Variants in MCF2L observed in about 807,000 individuals in gnomAD.
MCF2L encodes the protein MCF.2 cell line derived transforming sequence like.
A neutral mutation model predicts 153.4 loss-of-function variants in MCF2L; 97 were observed. The ratio of observed to expected loss-of-function variants is 0.63; its 90% CI spans 0.54 to 0.75. The LOEUF (loss-of-function observed/expected upper bound fraction) is 0.75, where lower values mean the gene tolerates loss of function less well. MCF2L is among the 30% of genes least tolerant of loss of function. The pLI is 0.00. For missense variants in MCF2L, 1,347 were observed against 1,495.2 expected (o/e 0.90, Z 1.64); for synonymous variants, 659 against 632.2 (o/e 1.04, Z -0.64).
Position 113,076,031 on chromosome 13 carries a change from CCAGGACGG to C in MCF2L, c.1376_1383del (p.Gln459ArgfsTer19). 1 of 1,613,960 alleles carries C rather than the reference CCAGGACGG, an allele frequency of 6.2e-7. No homozygotes were observed. The highest frequency in any genetic ancestry group is 8.5e-7 in the Non-Finnish European group (1 of 1,179,934). ...CACAACCTGTGGACAAGTGCCAGTC[CCAGGACGG>C]CGCGGAGGCTGCCCTCCAGGAAATC... On this transcript the variant is annotated frameshift_variant, in exon 12 of 30. Coordinates refer to ENST00000535094, the MANE Select transcript of MCF2L (RefSeq NM_001112732.3). LOFTEE classifies it high-confidence loss of function.
chr13:112,897,482 G>T (rs2081078825), intron 1 of MCF2L, among the ~76,000 whole-genome samples: 1 of 152,204 alleles, frequency 6.6e-6, no homozygotes, highest in Non-Finnish European at 1.5e-5. Context: ...GACAATGATG[G>T]CTCAAGCGGC....
intron 3 of MCF2L, among the ~76,000 whole-genome samples, chr13:113,030,312 G>C (rs1466032298): frequency 7.8e-6 from 1 of 127,922 alleles, no homozygotes. Context: ...CCGACGCCCG[G>C]TGTGGACCCT....
intron 1 of MCF2L, among the ~76,000 whole-genome samples, chr13:112,997,012 C>T (rs1005402690): frequency 2.0e-5 from 3 of 152,244 alleles, no homozygotes; most frequent in African/African-American, 4.8e-5. Flanking sequence ...TGGGCCTAGG[C>T]GGGTGCTGCT....
At chr13:113,037,964 G>A (rs896536217) in intron 3 of MCF2L, among the ~76,000 whole-genome samples, 1 of 152,208 alleles carries the variant, frequency 6.6e-6, no homozygotes, top group African/African-American at 2.4e-5. Flanking sequence ...AGCTGAGTAA[G>A]TAATTTAGCA....
chr13:113,096,643 G>T lies in MCF2L; in HGVS notation c.3282G>T (p.Leu1094=). 6.3e-7 allele frequency: 1 copy of T among 1,588,594 alleles called. No individual in the cohort carries two copies. ...GCCCGTCCGGCTCGGCCCAGTGCCT[G>T]AGCAGCTCAGGTAAGGCCCACGTGC... ...RLGPSGSAQC[L]SSSESSPGSA... is the part of the protein sequence containing the mutation. The change falls in exon 29 of 30, where the codon CTG becomes CTT. Residue 1094 remains leucine (L), a synonymous_variant. Transcript: ENST00000535094.
In MCF2L at chr13:113,053,214, A is replaced by G. The variant is rs2087485933; in HGVS notation, c.370-7379A>G. Among the ~76,000 whole-genome samples, 1 of 152,140 alleles carries G rather than the reference A, an allele frequency of 6.6e-6. No homozygotes were observed. The highest frequency in any genetic ancestry group is 6.5e-5 in the Admixed American group (1 of 15,282). ...TGGGGCTTTCTCCACGTGCCCCGTCATGTCCTTCCTGTATTTGTTAAAATC... is the reference window on the plus strand; with the variant it reads ...TGGGGCTTTCTCCACGTGCCCCGTCGTGTCCTTCCTGTATTTGTTAAAATC... On this transcript the variant is annotated intron_variant, in intron 4 of 29. Transcript: ENST00000535094. This position sits in a 1 kb window ranked among gnomAD's most constrained non-coding sequence, Gnocchi z 4.4.
chr13:112,916,750 A>G (rs2081296057), intron 2 of MCF2L, among the ~76,000 whole-genome samples: 1 of 151,352 alleles, frequency 6.6e-6, no homozygotes, highest in Non-Finnish European at 1.5e-5. Flanking sequence ...CCTCAGGGCC[A>G]CTCCCCGAAC....
At chr13:113,013,023 T>C (rs866108898) in intron 1 of MCF2L, among the ~76,000 whole-genome samples, 1 of 152,012 alleles carries the variant, frequency 6.6e-6, no homozygotes, top group South Asian at 2.1e-4. Context: ...CCACGGTCTG[T>C]GAGGCAGGCA....
At position 113,089,605 on chromosome 13, in the gene MCF2L, A is replaced by G. The variant is rs1271185577; in HGVS notation, c.2835-5A>G. 1.3e-6 allele frequency: 2 copies of G among 1,589,816 alleles called. No homozygotes were observed. The highest frequency in any genetic ancestry group is 1.7e-6 in the Non-Finnish European group (2 of 1,158,102). On this transcript the variant is annotated splice_region_variant and splice_polypyrimidine_tract_variant and intron_variant, in intron 25 of 29. Coordinates refer to ENST00000535094, the MANE Select transcript of MCF2L (RefSeq NM_001112732.3). ...TTTCCTTTTTGATTTGTCTGATGTC[A>G]TCAGTCCCTCAAGAGGAAACTCAAG...
chr13:112,971,527 G>A (rs920768009), intron 1 of MCF2L, among the ~76,000 whole-genome samples: 10 of 152,294 alleles, frequency 6.6e-5, no homozygotes, highest in African/African-American at 2.4e-4. Context: ...TTCACCCTCT[G>A]TAGATTCACC....
chr13:112,934,706 G>A (rs562658549), intron 2 of MCF2L, among the ~76,000 whole-genome samples: 22 of 152,350 alleles, frequency 1.4e-4, no homozygotes, highest in Admixed American at 4.6e-4. Context: ...AAGAGGTCAC[G>A]TGTGCTGGGG....
chr13:113,032,257 G>A (rs144444032), intron 3 of MCF2L, among the ~76,000 whole-genome samples: 2 of 152,222 alleles, frequency 1.3e-5, no homozygotes, highest in African/African-American at 4.8e-5. Context: ...CCCACTTCTC[G>A]CTGTGGGTTT....
rs927012569 is a variant in MCF2L, at chr13:113,074,033, A to G, written c.997-411A>G. Among the ~76,000 whole-genome samples the G allele has an allele frequency of 1.8e-4, 28 of 152,254 alleles. No individual in the cohort carries two copies. Among genetic ancestry groups the G allele is most frequent in the Non-Finnish European group, 5.9e-5 (4 of 68,040 alleles). On this transcript the variant is annotated intron_variant, in intron 9 of 29. Transcript: ENST00000535094. The surrounding 1 kb of genome is among the most constrained non-coding windows in gnomAD (Gnocchi z 4.2). The stretch of plus-strand genomic sequence containing the variant: ...GTAGCAAGCTAGAAGGGACTGAGTT[A>G]CATAACTCTCCACACCTAGGATCCA...
At chr13:112,962,634 G>A (rs1045602177) in intron 2 of MCF2L, among the ~76,000 whole-genome samples, 3 of 152,194 alleles carry the variant, frequency 2.0e-5, no homozygotes, top group Non-Finnish European at 4.4e-5. Context: ...TAGGGCTGCT[G>A]GGCAAAGCAC....
chr13:112,906,602 G>A (rs1356564808), intron 2 of MCF2L, among the ~76,000 whole-genome samples: 9 of 152,242 alleles, frequency 5.9e-5, no homozygotes, highest in African/African-American at 2.2e-4. Context: ...CCGTGAGTGC[G>A]TGGTCTTGCT....
intron 13 of MCF2L, 90 bp downstream of exon 13, chr13:113,077,301 T>G: frequency 7.2e-7 from 1 of 1,380,774 alleles, no homozygotes; most frequent in Non-Finnish European, 9.6e-7. Context: ...GGCAGCCACC[T>G]GCGAAAACTG....
rs2085389799 is a variant in MCF2L, at chr13:113,027,572, G to T, written c.278+2814G>T. ...GTTGTGAGAATCTTGCACCCCCTAT[G>T]CGCCAGGCTCTGCTGGCTGAGCTGA... On this transcript the variant is annotated intron_variant, in intron 3 of 29. Coordinates refer to ENST00000535094, the MANE Select transcript of MCF2L (RefSeq NM_001112732.3). The surrounding 1 kb of genome is among the most constrained non-coding windows in gnomAD (Gnocchi z 4.8). Among the ~76,000 whole-genome samples, 1 of 152,192 alleles carries T rather than the reference G, an allele frequency of 6.6e-6. No individual in the cohort carries two copies. The highest frequency in any genetic ancestry group is 2.1e-4 in the South Asian group (1 of 4,820).
intron 2 of MCF2L, among the ~76,000 whole-genome samples, chr13:112,927,257 C>T (rs1677040670): frequency 1.3e-5 from 2 of 152,094 alleles, no homozygotes; most frequent in African/African-American, 4.8e-5. Context: ...GGAATCTGTC[C>T]CAAAAGTACT....
At chr13:112,963,435 C>T (rs561621852) in intron 2 of MCF2L, among the ~76,000 whole-genome samples, 6 of 152,256 alleles carry the variant, frequency 3.9e-5, no homozygotes, top group South Asian at 2.1e-4. Flanking sequence ...CTCCACAGCG[C>T]GGCATGGCTA....
Sources: allele counts gnomAD v4.1 joint callset (sites outside exome capture counted in the v4.1 genomes callset), GRCh38; gene constraint gnomAD v4.1.1; non-coding constraint Gnocchi (gnomAD v3.1); transcripts MANE v1.5; gene names NCBI Gene and HGNC (gene_info 2026-07-23, HGNC 2026-07-21).